C2CD5: variants seen among roughly 807,000 people sequenced by gnomAD.
The protein encoded by C2CD5 is C2 calcium dependent domain containing 5.
C2CD5 carries 109 observed loss-of-function variants against 130.3 expected under a neutral mutation model. The observed-to-expected ratio is 0.84, with a 90% CI of 0.72 to 0.98. C2CD5 has a LOEUF of 0.98. Among genes scored for constraint, C2CD5 ranks in the 50% least tolerant of loss-of-function variants. C2CD5 has a pLI of 0.00. For missense variants in C2CD5, 996 were observed against 1,261.8 expected, an observed-to-expected ratio of 0.79 and a Z score of 3.19; for synonymous variants, 454 against 429.2, an observed-to-expected ratio of 1.06 and a Z score of -0.71.
At chr12:22,502,056 T>A (rs748111681) in intron 10 of C2CD5, among the ~76,000 whole-genome samples, 37 of 151,878 alleles carry the variant, frequency 2.4e-4, no homozygotes, top group Non-Finnish European at 4.4e-4. Context: ...AAAAAAAAAA[T>A]TAATTACTTT....
At chr12:22,535,695 TCTTTA>T (rs1951755177) in intron 2 of C2CD5, among the ~76,000 whole-genome samples, 1 of 152,166 alleles carries the variant, frequency 6.6e-6, no homozygotes, top group Admixed American at 6.5e-5. Flanking sequence ...AATACAGCTG[TCTTTA>T]ACCACATCAA....
chr12:22,491,666 G>A (rs1297030613), intron 11 of C2CD5, among the ~76,000 whole-genome samples: 1 of 152,076 alleles, frequency 6.6e-6, no homozygotes, highest in Non-Finnish European at 1.5e-5. Context: ...GAGGTCAGGA[G>A]TTCGAGATCA....
chr12:22,489,231 A>G (rs1336564260), intron 12 of C2CD5, among the ~76,000 whole-genome samples: 1 of 151,848 alleles, frequency 6.6e-6, no homozygotes, highest in Admixed American at 6.6e-5. Flanking sequence ...GGGGGGAAGT[A>G]AATAGGCACA....
intron 21 of C2CD5, among the ~76,000 whole-genome samples, chr12:22,470,391 C>T (rs1406740443): frequency 6.6e-6 from 1 of 152,058 alleles, no homozygotes; most frequent in Non-Finnish European, 1.5e-5. Flanking sequence ...AAGACTACTT[C>T]CTAAATTTTA....
Position 22,449,653 on chromosome 12 carries a change from T to C in C2CD5, c.*107A>G. 9.9e-7 allele frequency: 1 copy of C among 1,011,022 alleles called. No homozygotes were observed. Among genetic ancestry groups the C allele is most frequent in the Non-Finnish European group, 1.5e-6 (1 of 685,666 alleles). The allele number at this position is 1,011,022 out of a possible 1,614,324, so 62.6% of individuals were successfully genotyped here. ...CAGGCAAATCAAATCTACTCAATTC[T>C]TCCTTATTTATCTCAAGTTCAATTT... On this transcript the variant is annotated 3_prime_UTR_variant, in exon 27 of 27. Transcript: ENST00000446597.
At chr12:22,527,328 A>ATTT (rs1418166575) in intron 4 of C2CD5, among the ~76,000 whole-genome samples, 2 of 130,584 alleles carry the variant, frequency 1.5e-5, no homozygotes, top group African/African-American at 3.5e-5. Context: ...ATATATATAT[A>ATTT]TATTTTTTTT....
intron 12 of C2CD5, among the ~76,000 whole-genome samples, chr12:22,489,347 C>T (rs1946040328): frequency 6.6e-6 from 1 of 151,678 alleles, no homozygotes; most frequent in African/African-American, 2.4e-5. Context: ...TATACAGTCA[C>T]CCTTCCGTAT....
intron 22 of C2CD5, among the ~76,000 whole-genome samples, chr12:22,468,347 G>A (rs1421622592): frequency 6.6e-6 from 1 of 151,994 alleles, no homozygotes; most frequent in East Asian, 1.9e-4. Flanking sequence ...GCCTCCCACG[G>A]AGCTAGGATC....
At chr12:22,469,139 T>C (rs561547188) in intron 22 of C2CD5, among the ~76,000 whole-genome samples, 13 of 152,314 alleles carry the variant, frequency 8.5e-5, no homozygotes, top group Non-Finnish European at 1.5e-4. Context: ...AATAGATTTA[T>C]TGCTATTAAA....
intron 8 of C2CD5, among the ~76,000 whole-genome samples, chr12:22,514,155 T>C (rs1470244458): frequency 2.0e-5 from 3 of 152,142 alleles, no homozygotes; most frequent in Admixed American, 2.0e-4. Context: ...CAAACAATCA[T>C]AGAAAGCAGG....
chr12:22,470,203 A>T (rs996091047), intron 21 of C2CD5, among the ~76,000 whole-genome samples: 9 of 152,128 alleles, frequency 5.9e-5, no homozygotes, highest in African/African-American at 1.7e-4. Flanking sequence ...CACTGCTCAA[A>T]TCTTATCAAT....
At chr12:22,529,473 G>C (rs924700173) in intron 3 of C2CD5, among the ~76,000 whole-genome samples, 1 of 151,938 alleles carries the variant, frequency 6.6e-6, no homozygotes, top group East Asian at 1.9e-4. Flanking sequence ...CTGACATTAG[G>C]GGGTGCTATA....
At chr12:22,460,793 G>A (rs1940980652) in intron 22 of C2CD5, 1 of 152,186 alleles carries the variant, frequency 6.6e-6, no homozygotes, top group East Asian at 1.9e-4. Flanking sequence ...TGGCCAGGCT[G>A]GTCTTGAACT....
rs1788854338 is a variant in C2CD5, at chr12:22,519,853, T to C, written c.801-1716A>G. 3.3e-5 allele frequency among the ~76,000 whole-genome samples: 5 copies of C among 152,034 alleles called. No individual in the cohort carries two copies. The South Asian group carries it at 1.0e-3, about 31-fold the overall frequency. Reference sequence around the variant, plus strand: ...AATACACCAAATATATAGCTTAAAATCAGGTTACACTGGAAACAAAACAAG... The same window carrying C: ...AATACACCAAATATATAGCTTAAAACCAGGTTACACTGGAAACAAAACAAG... On this transcript the variant is annotated intron_variant, in intron 7 of 26. Transcript: ENST00000446597.
At chr12:22,486,001 A>G (rs767658938) in intron 12 of C2CD5, among the ~76,000 whole-genome samples, 1 of 152,076 alleles carries the variant, frequency 6.6e-6, no homozygotes, top group African/African-American at 2.4e-5. Context: ...GATAGCTATC[A>G]AAACATTTCT....
At chr12:22,496,375 A>G (rs1947013962) in intron 10 of C2CD5, among the ~76,000 whole-genome samples, 2 of 152,146 alleles carry the variant, frequency 1.3e-5, no homozygotes, top group African/African-American at 2.4e-5. Context: ...TATTCATCCT[A>G]AAAAGTACAA....
At chr12:22,485,026 C>A in intron 12 of C2CD5, 138 bp from the exon 13 acceptor site, 1 of 420,766 alleles carries the variant, frequency 2.4e-6, no homozygotes. Context: ...TACAAAAGTA[C>A]CACTAAGGCT....
rs373817352 is a variant in C2CD5, at chr12:22,469,667, G to T, written c.2533+42C>A. ...AATGAAGAAGCAGTGAAAGGAACTA[G>T]AAACCAGGATTTGTGTTTGCTTTTT... On this transcript the variant is annotated intron_variant, in intron 22 of 26. Coordinates refer to ENST00000446597, the MANE Select transcript of C2CD5 (RefSeq NM_001286176.2). 4.0e-6 allele frequency: 5 copies of T among 1,259,500 alleles called. No homozygotes were observed. The African/African-American group carries it at 4.6e-5, about 12-fold the overall frequency. 78.0% of individuals were successfully genotyped at this position (1,259,500 alleles called of 1,614,324 possible). A position where few individuals can be genotyped will look rare whatever the true frequency, so the allele number is the denominator to read the frequency against.
chr12:22,458,662 T>C, intron 23 of C2CD5, 77 bp from the exon 24 acceptor site: 1 of 496,330 alleles, frequency 2.0e-6, no homozygotes, highest in Non-Finnish European at 3.2e-6. Context: ...GTCTTAACAC[T>C]CCTTTCGATG....
Sources: gnomAD v4.1 joint callset for allele counts (sites outside exome capture counted in the v4.1 genomes callset) on GRCh38, gnomAD v4.1.1 for gene constraint, MANE v1.5 for transcripts, NCBI Gene and HGNC (gene_info 2026-07-23, HGNC 2026-07-21) for gene names.